The following MSRA variants were observed in gnomAD, a reference collection of about 807,000 sequenced individuals.
MSRA encodes the protein mitochondrial peptide methionine sulfoxide reductase.
MSRA carries 54 observed loss-of-function variants against 31.3 expected under a neutral mutation model. The observed-to-expected ratio is 1.73, with a 90% CI of 1.39 to 2.17. The LOEUF (loss-of-function observed/expected upper bound fraction) is 2.17. Ranked by LOEUF, MSRA falls within the 30% of genes most tolerant of loss-of-function variation. The pLI is 0.00. For synonymous variants in MSRA, 169 were observed against 116.5 expected (o/e 1.45, Z -2.90); for missense variants, 507 against 300.9 (o/e 1.69, Z -5.07).
chr8:10,201,925 G>A lies in MSRA; in HGVS notation c.143-5908G>A, dbSNP rs115425936. 5.9e-3 allele frequency among the ~76,000 whole-genome samples: 904 copies of A among 152,366 alleles called. 6 individuals carry two copies. The highest frequency in any genetic ancestry group is 0.02 in the African/African-American group (848 of 41,600). ...TTTGGCATGTGCCCCTTGTAGCAGAGAAGGGGCTGGGGCATGTGCCCAACC... is the reference window on the plus strand; with the variant it reads ...TTTGGCATGTGCCCCTTGTAGCAGAAAAGGGGCTGGGGCATGTGCCCAACC... On this transcript the variant is annotated intron_variant, in intron 1 of 5. Transcript: ENST00000317173.
In MSRA at chr8:10,075,874, A is replaced by C. The variant is rs925850092; in HGVS notation, c.142+21216A>C. Among the ~76,000 whole-genome samples the C allele has an allele frequency of 4.6e-5, 7 of 152,328 alleles. No homozygotes were observed. In the South Asian group the frequency reaches 6.2e-4, roughly 14 times the overall value. On this transcript the variant is annotated intron_variant, in intron 1 of 5. Transcript: ENST00000317173. The stretch of plus-strand genomic sequence containing the variant: ...CTCTTTTCCTAATACCAAGATATGG[A>C]GACTCATTTATGCCGTGGAGTGTGA...
intron 1 of MSRA, among the ~76,000 whole-genome samples, chr8:10,163,228 C>T (rs991049549): frequency 5.9e-5 from 9 of 152,162 alleles, no homozygotes; most frequent in Non-Finnish European, 1.0e-4. Context: ...GTTCATAAGC[C>T]ACCCAGTCTG....
chr8:10,354,410 C>G (rs1804382676), intron 5 of MSRA, among the ~76,000 whole-genome samples: 1 of 152,154 alleles, frequency 6.6e-6, no homozygotes, highest in South Asian at 2.1e-4. Flanking sequence ...AGGTGAGTTT[C>G]TAAGGAGCTT....
At chr8:10,326,316 T>G (rs1180066462) in intron 5 of MSRA, among the ~76,000 whole-genome samples, 1 of 152,210 alleles carries the variant, frequency 6.6e-6, no homozygotes, top group Non-Finnish European at 1.5e-5. Context: ...TTGAGCTAAT[T>G]AGATGTGCAG....
intron 5 of MSRA, among the ~76,000 whole-genome samples, chr8:10,425,393 C>T (rs1809087930): frequency 1.3e-5 from 2 of 152,240 alleles, no homozygotes; most frequent in African/African-American, 2.4e-5. Flanking sequence ...GCAAACCTCC[C>T]TTCCGGGCTC....
At chr8:10,396,605 T>C (rs968182892) in intron 5 of MSRA, among the ~76,000 whole-genome samples, 3 of 152,234 alleles carry the variant, frequency 2.0e-5, no homozygotes, top group African/African-American at 7.2e-5. Flanking sequence ...TAGTGTGGGT[T>C]GAAGACAGTT....
intron 1 of MSRA, among the ~76,000 whole-genome samples, chr8:10,165,428 G>T (rs7017212): frequency 0.32 from 48,859 of 151,892 alleles, 8,684 homozygotes; most frequent in East Asian, 0.51. Context: ...ACAGAACTTT[G>T]GAACTGCAGT....
intron 3 of MSRA, among the ~76,000 whole-genome samples, chr8:10,295,147 T>C (rs182367952): frequency 3.0e-4 from 45 of 152,160 alleles, no homozygotes; most frequent in East Asian, 3.9e-4. Context: ...TTGCCTACTG[T>C]GTTTGGGCAA....
chr8:10,308,604 G>A (rs188880083), intron 4 of MSRA, among the ~76,000 whole-genome samples: 4 of 152,366 alleles, frequency 2.6e-5, no homozygotes, highest in African/African-American at 9.6e-5. Flanking sequence ...ACAGTGGCCA[G>A]TGTGGCCTGG....
chr8:10,141,145 C>T (rs1802669989), intron 1 of MSRA, among the ~76,000 whole-genome samples: 1 of 152,184 alleles, frequency 6.6e-6, no homozygotes, highest in African/African-American at 2.4e-5. Flanking sequence ...ATCCACTGGC[C>T]ACCAGCGTAG....
intron 5 of MSRA, among the ~76,000 whole-genome samples, chr8:10,391,042 C>G (rs969358972): frequency 6.6e-6 from 1 of 151,422 alleles, no homozygotes; most frequent in Admixed American, 6.6e-5. Context: ...CCTACCTATT[C>G]TCAAATGTAC....
chr8:10,332,079 C>T (rs1036742064), intron 5 of MSRA, among the ~76,000 whole-genome samples: 1 of 152,166 alleles, frequency 6.6e-6, no homozygotes, highest in Non-Finnish European at 1.5e-5. Context: ...AGCATATCTT[C>T]CTTTCTGTCA....
intron 1 of MSRA, among the ~76,000 whole-genome samples, chr8:10,189,979 C>T (rs1287489411): frequency 1.3e-5 from 2 of 151,944 alleles, no homozygotes; most frequent in Non-Finnish European, 2.9e-5. Context: ...TTCTATTTCT[C>T]GTGTTATTTT....
At chr8:10,347,012 A>T (rs1266521533) in intron 5 of MSRA, among the ~76,000 whole-genome samples, 1 of 152,082 alleles carries the variant, frequency 6.6e-6, no homozygotes, top group Admixed American at 6.6e-5. Context: ...GTCCTCACAG[A>T]CCCTCTTTCC....
intron 2 of MSRA, among the ~76,000 whole-genome samples, chr8:10,226,160 T>A (rs757138905): frequency 6.6e-5 from 10 of 152,124 alleles, no homozygotes; most frequent in African/African-American, 9.7e-5. Flanking sequence ...ACTGTTCAGG[T>A]GACTATAGGG....
intron 1 of MSRA, among the ~76,000 whole-genome samples, chr8:10,063,461 A>T (rs756484263): frequency 4.0e-5 from 6 of 151,736 alleles, no homozygotes; most frequent in African/African-American, 7.3e-5. Context: ...CTCCACTTCC[A>T]CCCCGAGGCT....
intron 5 of MSRA, among the ~76,000 whole-genome samples, chr8:10,366,130 T>C (rs1258589518): frequency 6.6e-6 from 1 of 152,240 alleles, no homozygotes. Context: ...GCAGCCATTT[T>C]ATCTGGACGG....
chr8:10,223,992 T>A lies in MSRA; in HGVS notation c.211+16091T>A, dbSNP rs181271471. Among the ~76,000 whole-genome samples, 88 of 152,316 alleles carry A rather than the reference T, an allele frequency of 5.8e-4. 2 individuals carry two copies. In the East Asian group the frequency reaches 0.015, roughly 26 times the overall value. ...AAATCCCAGCTCTACCTAATCTAAC[T>A]AGTTCTGGGTCCATGGCAAATCACT... is the stretch of plus-strand genomic sequence containing the variant. On this transcript the variant is annotated intron_variant, in intron 2 of 5. Coordinates refer to ENST00000317173, the MANE Select transcript of MSRA (RefSeq NM_012331.5).
At chr8:10,360,648 T>C (rs1804792805) in intron 5 of MSRA, among the ~76,000 whole-genome samples, 1 of 152,220 alleles carries the variant, frequency 6.6e-6, no homozygotes, top group Non-Finnish European at 1.5e-5. Context: ...CACGAAACTG[T>C]CTAACTCTGG....
Sources: allele counts gnomAD v4.1 joint callset (sites outside exome capture counted in the v4.1 genomes callset), GRCh38; gene constraint gnomAD v4.1.1; transcripts MANE v1.5; gene names NCBI Gene and HGNC (gene_info 2026-07-23, HGNC 2026-07-21).